The following ZNF513 variants were observed in gnomAD, a reference collection of about 807,000 sequenced individuals.
The protein encoded by ZNF513 is zinc finger protein 513.
In ZNF513, 16 loss-of-function variants were observed where a neutral mutation model predicts 39.7. The observed-to-expected ratio is 0.40, with a 90% CI of 0.27 to 0.61. The LOEUF is 0.61. Ranked by LOEUF, ZNF513 falls within the 20% of genes least tolerant of loss-of-function variation. The pLI, the probability that ZNF513 is intolerant of heterozygous loss-of-function variation, is 0.39. For synonymous variants in ZNF513, 348 were observed against 296.5 expected, an observed-to-expected ratio of 1.17 and a Z score of -1.79; for missense variants, 699 against 743.6, an observed-to-expected ratio of 0.94 and a Z score of 0.70.
Position 27,378,103 on chromosome 2 carries a change from ACTGGGGCC to A in ZNF513, c.1060_1067del (p.Gly354Ter), listed in dbSNP as rs1683428374. ...AGAGGCTACAGGCAAAGCCTTTGTCACTGGGGCCCTGGGGCCCCCCACTGGCACCCCCT... is the reference window on the plus strand; with the variant it reads ...AGAGGCTACAGGCAAAGCCTTTGTCACTGGGGCCCCCCACTGGCACCCCCT... On this transcript the variant is annotated frameshift_variant, in exon 4 of 4. Transcript: ENST00000323703. LOFTEE classifies it high-confidence loss of function. The surrounding 1 kb of genome is among the most constrained non-coding windows in gnomAD (Gnocchi z 8.0). 1 of 1,613,590 alleles carries A rather than the reference ACTGGGGCC, an allele frequency of 6.2e-7. No individual in the cohort carries two copies. The highest frequency in any genetic ancestry group is 8.5e-7 in the Non-Finnish European group (1 of 1,179,674).
rs771951394 is a variant in ZNF513, at chr2:27,378,866, C to T, written c.400G>A (p.Gly134Arg). Reference protein sequence around the residue: ...GGPTGEGPCCGAGGPGGGPLL... With the variant: ...GGPTGEGPCCRAGGPGGGPLL... ...GGCCCCCCACCCGGCCCTCCTGCCC[C>T]ACAACACGGCCCCTCACCTGTCGGC... Residue 134 changes from glycine to arginine, a missense_variant, in exon 3 of 4, where the codon GGG becomes AGG. Physicochemically the swap from Gly to Arg is moderately radical, Grantham distance 125. Coordinates refer to ENST00000323703, the MANE Select transcript of ZNF513 (RefSeq NM_144631.6). The surrounding 1 kb of genome is among the most constrained non-coding windows in gnomAD (Gnocchi z 8.0). 13 of 1,604,094 alleles carry T rather than the reference C, an allele frequency of 8.1e-6. No individual in the cohort carries two copies. Among genetic ancestry groups the T allele is most frequent in the African/African-American group, 1.3e-5 (1 of 74,730 alleles).
At position 27,380,707 on chromosome 2, in the gene ZNF513, G is replaced by A; in HGVS notation, c.-181C>T. The A allele has an allele frequency of 9.1e-7, 1 of 1,100,402 alleles. No homozygotes were observed. Among genetic ancestry groups the A allele is most frequent in the Non-Finnish European group, 1.2e-6 (1 of 868,608 alleles). The allele number at this position is 1,100,402 out of a possible 1,614,324, so 68.2% of individuals were successfully genotyped here. Reference sequence around the variant, plus strand: ...CCCAGCTCAGGCCGCTCCCGCCGCCGCCGCCGCTTCCATTCATGGAGCCCC... The same window carrying A: ...CCCAGCTCAGGCCGCTCCCGCCGCCACCGCCGCTTCCATTCATGGAGCCCC... On this transcript the variant is annotated 5_prime_UTR_variant, in exon 1 of 4. Coordinates refer to ENST00000323703, the MANE Select transcript of ZNF513 (RefSeq NM_144631.6).
chr2:27,379,120 T>C (rs376849469), intron 2 of ZNF513, 66 bp from the exon 3 acceptor site: 1 of 1,503,016 alleles, frequency 6.7e-7, no homozygotes, highest in Non-Finnish European at 9.2e-7. Context: ...CTCTCCCCTT[T>C]TCACTTATGG....
In ZNF513 at chr2:27,379,019, C is replaced by G. The variant is rs1266914286; in HGVS notation, c.247G>C (p.Gly83Arg). 6.2e-7 allele frequency: 1 copy of G among 1,612,972 alleles called. No individual in the cohort carries two copies. The highest frequency in any genetic ancestry group is 1.1e-5 in the South Asian group (1 of 91,090). Reference protein sequence around the residue: ...SLGARPGLPYGLSDDESGGGR... With the variant: ...SLGARPGLPYRLSDDESGGGR... ...CCCCCAGACTCATCGTCGCTCAGCCCATAGGGAAGCCCAGGCCTGGCCCCC... is the reference window on the plus strand; with the variant it reads ...CCCCCAGACTCATCGTCGCTCAGCCGATAGGGAAGCCCAGGCCTGGCCCCC... The change falls in exon 3 of 4, where the codon GGG becomes CGG. Residue 83 changes from glycine to arginine, a missense_variant. Transcript: ENST00000323703.
At chr2:27,379,944 C>T (rs1418714223) in intron 2 of ZNF513, 149 bp downstream of exon 2, 14 of 1,063,498 alleles carry the variant, frequency 1.3e-5, no homozygotes, top group Non-Finnish European at 1.9e-5. Flanking sequence ...GTGATTGGAC[C>T]ATTAAACAAA....
At position 27,378,450 on chromosome 2, in the gene ZNF513, T is replaced by G; in HGVS notation, c.799+17A>C. 6.2e-7 allele frequency: 1 copy of G among 1,614,000 alleles called. No homozygotes were observed. Among genetic ancestry groups the G allele is most frequent in the Non-Finnish European group, 8.5e-7 (1 of 1,180,018 alleles). ...GCCACCCATGTCCCAAGATCTTTGG[T>G]CCCTGGTGTGTCTTACCTTCAGGTC... On this transcript the variant is annotated intron_variant, in intron 3 of 3. Coordinates refer to ENST00000323703, the MANE Select transcript of ZNF513 (RefSeq NM_144631.6). This position sits in a 1 kb window ranked among gnomAD's most constrained non-coding sequence, Gnocchi z 8.0.
chr2:27,380,394 T>A, intron 1 of ZNF513, 78 bp downstream of exon 1: 2 of 1,575,428 alleles, frequency 1.3e-6, no homozygotes, highest in South Asian at 2.3e-5. Context: ...CCCTCAGGAG[T>A]CCCCCTCCAC....
rs968547145 is a variant in ZNF513 at position 27,378,341 on chromosome 2, T to C, written c.830A>G (p.His277Arg). The C allele has an allele frequency of 1.2e-6, 2 of 1,602,100 alleles. No homozygotes were observed. Among genetic ancestry groups the C allele is most frequent in the Non-Finnish European group, 1.7e-6 (2 of 1,179,976 alleles). Residue 277 changes from histidine (H) to arginine (R), a missense_variant, in exon 4 of 4, where the codon CAT (histidine) becomes CGT (arginine). By Grantham distance (29) the His-to-Arg change is conservative (BLOSUM62 0). This residue lies in a region of ZNF513 where 530 missense variants were observed against 499.3 expected (regional missense o/e 1.06). Coordinates refer to ENST00000323703, the MANE Select transcript of ZNF513 (RefSeq NM_144631.6). This position sits in a 1 kb window ranked among gnomAD's most constrained non-coding sequence, Gnocchi z 8.0. ...GAAACTGGCACCACCTGGTGGCACA[T>C]GGAGGCTCAAATCTGGAAGGAGCAG... is the stretch of plus-strand genomic sequence containing the variant. ...DALLLPDLSL[H>R]VPPGGASFLP...
rs748605774 is a variant in ZNF513 at position 27,378,012 on chromosome 2, G to A, written c.1159C>T (p.Pro387Ser). The change falls in exon 4 of 4, where the codon CCC (proline) becomes TCC (serine). Residue 387 changes from proline (P) to serine (S), a missense_variant. Around this residue, in one of 3 missense-constraint regions of ZNF513, gnomAD observed 98 missense variants for 180.2 expected, o/e 0.54. Coordinates refer to ENST00000323703, the MANE Select transcript of ZNF513 (RefSeq NM_144631.6). The surrounding 1 kb of genome is among the most constrained non-coding windows in gnomAD (Gnocchi z 8.0). The stretch of plus-strand genomic sequence containing the variant: ...TAAGGACAGCGGGCGCAGCGGAAGG[G>A]CTTCTCACCACTGTGTGTCTTCATG... The part of the protein sequence containing the change: ...RHMKTHSGEK[P>S]FRCARCPYAS... The A allele has an allele frequency of 8.1e-6, 13 of 1,612,518 alleles. No individual in the cohort carries two copies. The highest frequency in any genetic ancestry group is 1.1e-5 in the Non-Finnish European group (13 of 1,178,820).
Position 27,378,342 on chromosome 2 carries a change from G to T in ZNF513, c.829C>A (p.His277Asn). The T allele has an allele frequency of 6.2e-7, 1 of 1,602,154 alleles. No individual in the cohort carries two copies. Among genetic ancestry groups the T allele is most frequent in the South Asian group, 1.1e-5 (1 of 91,090 alleles). Reference protein sequence around the residue: ...DALLLPDLSLHVPPGGASFLP... With the variant: ...DALLLPDLSLNVPPGGASFLP... ...AAACTGGCACCACCTGGTGGCACATGGAGGCTCAAATCTGGAAGGAGCAGA... is the reference window on the plus strand; with the variant it reads ...AAACTGGCACCACCTGGTGGCACATTGAGGCTCAAATCTGGAAGGAGCAGA... The change falls in exon 4 of 4, where the codon CAT becomes AAT. Residue 277 changes from histidine (H) to asparagine (N), a missense_variant. Transcript: ENST00000323703. This position sits in a 1 kb window ranked among gnomAD's most constrained non-coding sequence, Gnocchi z 8.0.
chr2:27,379,594 A>C (rs919028722), intron 2 of ZNF513, among the ~76,000 whole-genome samples: 1 of 152,242 alleles, frequency 6.6e-6, no homozygotes, highest in East Asian at 1.9e-4. Flanking sequence ...AACATCTTGC[A>C]TAAGTGGATG....
In ZNF513 at chr2:27,378,962, C is replaced by G. The variant is rs1214672610; in HGVS notation, c.304G>C (p.Glu102Gln). 2 of 1,612,328 alleles carry G rather than the reference C, an allele frequency of 1.2e-6. No individual in the cohort carries two copies. The highest frequency in any genetic ancestry group is 1.7e-6 in the Non-Finnish European group (2 of 1,179,362). Reference protein sequence around the residue: ...GRALSAESEVEEPARGPGEAR... With the variant: ...GRALSAESEVQEPARGPGEAR... ...TCCCCTGGACCCCTGGCTGGCTCCT[C>G]AACTTCACTCTCCGCACTTAGTGCC... The change falls in exon 3 of 4, where the codon GAG (glutamate) becomes CAG (glutamine). Residue 102 changes from glutamate to glutamine, a missense_variant. Transcript: ENST00000323703. This position sits in a 1 kb window ranked among gnomAD's most constrained non-coding sequence, Gnocchi z 8.0.
Position 27,377,551 on chromosome 2 carries a change from T to C in ZNF513, c.1620A>G (p.Ser540=). The C allele has an allele frequency of 6.2e-7, 1 of 1,614,050 alleles. No homozygotes were observed. The highest frequency in any genetic ancestry group is 1.3e-5 in the African/African-American group (1 of 75,054). ...TAGSRAVHTD[S]S is the part of the protein sequence containing the mutation. ...TGGGGAAGAAGGACCTAGTTCAGGA[T>C]GAGTCTGTGTGGACAGCCCGGCTGC... Residue 540 remains serine, a synonymous_variant, in exon 4 of 4, where the codon TCA becomes TCG. Coordinates refer to ENST00000323703, the MANE Select transcript of ZNF513 (RefSeq NM_144631.6). This position sits in a 1 kb window ranked among gnomAD's most constrained non-coding sequence, Gnocchi z 4.4.
rs1683552727 is a variant in ZNF513, at chr2:27,380,079, A to G, written c.211+14T>C. On this transcript the variant is annotated intron_variant, in intron 2 of 3. Transcript: ENST00000323703. The stretch of plus-strand genomic sequence containing the variant: ...CAGCGGCCGCTAATCCTTAACCAAG[A>G]CCCGAAAACCCACCTTCCGAGTCTC... 1.2e-6 allele frequency: 2 copies of G among 1,613,760 alleles called. No individual in the cohort carries two copies. Among genetic ancestry groups the G allele is most frequent in the Non-Finnish European group, 1.7e-6 (2 of 1,179,988 alleles).
rs764492202 is a variant in ZNF513 at position 27,378,948 on chromosome 2, C to G, written c.318G>C (p.Arg106Ser). ...SAESEVEEPA[R>S]GPGEARGERP... The stretch of plus-strand genomic sequence containing the variant: ...TCTCACCCCTGGCCTCCCCTGGACC[C>G]CTGGCTGGCTCCTCAACTTCACTCT... Residue 106 changes from arginine to serine, a missense_variant, in exon 3 of 4, where the codon AGG becomes AGC. Physicochemically the swap from Arg to Ser is moderately radical, Grantham distance 110. Around this residue, in one of 3 missense-constraint regions of ZNF513, gnomAD observed 530 missense variants for 499.3 expected, o/e 1.06. Transcript: ENST00000323703. The surrounding 1 kb of genome is among the most constrained non-coding windows in gnomAD (Gnocchi z 8.0). 1.2e-6 allele frequency: 2 copies of G among 1,611,748 alleles called. No homozygotes were observed. Among genetic ancestry groups the G allele is most frequent in the Non-Finnish European group, 1.7e-6 (2 of 1,178,974 alleles).
At chr2:27,379,298 A>G (rs1199847322) in intron 2 of ZNF513, among the ~76,000 whole-genome samples, 1 of 152,206 alleles carries the variant, frequency 6.6e-6, no homozygotes, top group African/African-American at 2.4e-5. Context: ...AGTTTCCCTC[A>G]ATGGTCAAGG....
Position 27,378,956 on chromosome 2 carries a change from GCTC to G in ZNF513, c.307_309del (p.Glu103del), listed in dbSNP as rs1683487403. ...CTGGCCTCCCCTGGACCCCTGGCTG[GCTC>G]CTCAACTTCACTCTCCGCACTTAGT... On this transcript the variant is annotated inframe_deletion, in exon 3 of 4. Transcript: ENST00000323703. The surrounding 1 kb of genome is among the most constrained non-coding windows in gnomAD (Gnocchi z 8.0). 3 of 1,611,750 alleles carry G rather than the reference GCTC, an allele frequency of 1.9e-6. No homozygotes were observed. Among genetic ancestry groups the G allele is most frequent in the African/African-American group, 1.3e-5 (1 of 74,852 alleles).
intron 2 of ZNF513, among the ~76,000 whole-genome samples, chr2:27,379,521 G>A (rs984300384): frequency 6.6e-6 from 1 of 152,194 alleles, no homozygotes; most frequent in East Asian, 1.9e-4. Flanking sequence ...AGTAATGCAT[G>A]TAATACCACT....
rs1294898054 is a variant in ZNF513, at chr2:27,377,926, G to A, written c.1245C>T (p.Pro415=). The change falls in exon 4 of 4, where the codon CCC becomes CCT. Residue 415 remains proline, a synonymous_variant. Coordinates refer to ENST00000323703, the MANE Select transcript of ZNF513 (RefSeq NM_144631.6). This position sits in a 1 kb window ranked among gnomAD's most constrained non-coding sequence, Gnocchi z 4.4. ...RHQRVHTGEK[P]YKCPLCPYAC... is the part of the protein sequence containing the mutation. ...CATAAGGGCAGAGGGGGCACTTGTA[G>A]GGCTTCTCTCCTGTATGGACGCGCT... is the stretch of plus-strand genomic sequence containing the variant. 3.1e-6 allele frequency: 5 copies of A among 1,613,908 alleles called. No individual in the cohort carries two copies. In the African/African-American group the frequency reaches 5.3e-5, roughly 17 times the overall value.
Sources: gnomAD v4.1 joint callset for allele counts (sites outside exome capture counted in the v4.1 genomes callset) on GRCh38, gnomAD v4.1.1 for gene constraint, gnomAD v4.1.1 regional missense constraint, Gnocchi (gnomAD v3.1) non-coding constraint, MANE v1.5 for transcripts, NCBI Gene and HGNC (gene_info 2026-07-23, HGNC 2026-07-21) for gene names.